PPP3CC: variants seen among roughly 807,000 people sequenced by gnomAD.
PPP3CC encodes the protein serine/threonine-protein phosphatase 2B catalytic subunit gamma isoform.
PPP3CC carries 35 observed loss-of-function variants against 60.3 expected under a neutral mutation model. The observed-to-expected ratio is 0.58, with a 90% CI of 0.44 to 0.77. PPP3CC has a LOEUF of 0.77. Among genes scored for constraint, PPP3CC ranks in the 30% least tolerant of loss-of-function variants. The pLI is 0.00. For missense variants in PPP3CC, 570 were observed against 628.9 expected (o/e 0.91, Z 1.00); for synonymous variants, 206 against 224.3 (o/e 0.92, Z 0.73).
At chr8:22,463,760 G>A (rs1372275544) in intron 1 of PPP3CC, among the ~76,000 whole-genome samples, 2 of 151,514 alleles carry the variant, frequency 1.3e-5, no homozygotes, top group African/African-American at 4.8e-5. Context: ...TAGCTATTGT[G>A]GCAGTCTTTG....
intron 1 of PPP3CC, among the ~76,000 whole-genome samples, chr8:22,449,474 G>GAAAAAAAAAAAAAAAAA (rs1554526851): frequency 7.5e-6 from 1 of 132,718 alleles, no homozygotes; most frequent in Non-Finnish European, 1.6e-5. Flanking sequence ...AAAAAAAAAG[G>GAAAAAAAAAAAAAAAAA]AAATGCCTCA....
chr8:22,470,059 T>TACACAC lies in PPP3CC; in HGVS notation c.50-4873_50-4868dup, dbSNP rs55658283. 2.2e-3 allele frequency among the ~76,000 whole-genome samples: 321 copies of TACACAC among 146,074 alleles called. 3 individuals are homozygous for TACACAC. The highest frequency in any genetic ancestry group is 0.011 in the Middle Eastern group (3 of 282). On this transcript the variant is annotated intron_variant, in intron 1 of 13. Transcript: ENST00000240139. ...AATAAATATGGGTGATATATATATA[T>TACACAC]ACACACACACACACACACACACACA... is the stretch of plus-strand genomic sequence containing the variant.
chr8:22,454,606 A>C (rs1837137038), intron 1 of PPP3CC, among the ~76,000 whole-genome samples: 1 of 152,238 alleles, frequency 6.6e-6, no homozygotes, highest in African/African-American at 2.4e-5. Context: ...AAATGTGAGT[A>C]GTAGTGCCTT....
At chr8:22,513,246 C>T (rs768019328) in intron 5 of PPP3CC, 47 bp from the exon 6 acceptor site, 2 of 1,581,538 alleles carry the variant, frequency 1.3e-6, no homozygotes, top group South Asian at 2.3e-5. Flanking sequence ...TCCAAGAAGC[C>T]TTTTGCTCTC....
chr8:22,467,131 G>T (rs1422050242), intron 1 of PPP3CC, among the ~76,000 whole-genome samples: 6 of 152,196 alleles, frequency 3.9e-5, no homozygotes, highest in African/African-American at 1.4e-4. Flanking sequence ...TCTAAAAATT[G>T]CAGATTGGCT....
At position 22,477,913 on chromosome 8, in the gene PPP3CC, C is replaced by T. The variant is rs910551546; in HGVS notation, c.372+2289C>T. On this transcript the variant is annotated intron_variant, in intron 3 of 13. Coordinates refer to ENST00000240139, the MANE Select transcript of PPP3CC (RefSeq NM_005605.5). ...TTGCCCAGGCTAGAGTGCAATGGCA[C>T]GATCTCGGCCCACCGCAACGTCCGC... 3.9e-5 allele frequency among the ~76,000 whole-genome samples: 6 copies of T among 152,198 alleles called. No individual in the cohort carries two copies. The South Asian group carries it at 6.2e-4, about 16-fold the overall frequency.
At chr8:22,481,345 A>AAATAAATAAT (rs1838061208) in intron 3 of PPP3CC, among the ~76,000 whole-genome samples, 1 of 144,004 alleles carries the variant, frequency 6.9e-6, no homozygotes, top group African/African-American at 2.6e-5. Flanking sequence ...CAAGAAAAAT[A>AAATAAATAAT]AATAATAATA....
intron 1 of PPP3CC, among the ~76,000 whole-genome samples, chr8:22,460,199 A>C (rs902024378): frequency 6.6e-6 from 1 of 152,128 alleles, no homozygotes; most frequent in South Asian, 2.1e-4. Context: ...TTTTGCCTCA[A>C]GTGTATAGTA....
At chr8:22,500,550 C>T (rs952944912) in intron 4 of PPP3CC, among the ~76,000 whole-genome samples, 15 of 152,118 alleles carry the variant, frequency 9.9e-5, no homozygotes, top group African/African-American at 3.4e-4. Context: ...CCACAGATCC[C>T]TTTACTGATA....
At chr8:22,465,936 C>T (rs557724792) in intron 1 of PPP3CC, among the ~76,000 whole-genome samples, 2 of 152,168 alleles carry the variant, frequency 1.3e-5, no homozygotes, top group Non-Finnish European at 2.9e-5. Flanking sequence ...TTGCTGCACC[C>T]ACCAACTCAT....
At chr8:22,508,692 G>A (rs1838996759) in intron 4 of PPP3CC, among the ~76,000 whole-genome samples, 1 of 152,182 alleles carries the variant, frequency 6.6e-6, no homozygotes, top group African/African-American at 2.4e-5. Flanking sequence ...TTCAAGTGTG[G>A]AACTCCCATG....
Position 22,489,217 on chromosome 8 carries a change from A to T in PPP3CC, c.373-8784A>T, listed in dbSNP as rs552876508. On this transcript the variant is annotated intron_variant, in intron 3 of 13. Coordinates refer to ENST00000240139, the MANE Select transcript of PPP3CC (RefSeq NM_005605.5). ...GTAATTAGATTAGGCATACTGAGAA[A>T]CATTTGGATTCAGGATTTCAAAGTC... Among the ~76,000 whole-genome samples, 13 of 152,236 alleles carry T rather than the reference A, an allele frequency of 8.5e-5. No individual in the cohort carries two copies. The South Asian group carries it at 2.7e-3, about 32-fold the overall frequency.
intron 3 of PPP3CC, among the ~76,000 whole-genome samples, chr8:22,482,240 A>G (rs534479375): frequency 4.8e-4 from 73 of 152,140 alleles, no homozygotes; most frequent in Non-Finnish European, 7.5e-4. Flanking sequence ...CTGGCATGAG[A>G]GGGTATCTCA....
At chr8:22,494,784 A>C (rs543976252) in intron 3 of PPP3CC, among the ~76,000 whole-genome samples, 1 of 152,196 alleles carries the variant, frequency 6.6e-6, no homozygotes, top group South Asian at 2.1e-4. Flanking sequence ...TTCTTTTCAT[A>C]GTCTATTTAG....
rs1364595376 is a variant in PPP3CC, at chr8:22,508,791, A to G, written c.485-2295A>G. On this transcript the variant is annotated intron_variant, in intron 4 of 13. Transcript: ENST00000240139. ...AAGTCAATCACTGACCACAAATTAAAGAGTTTTCTGTTTGTTTTTTACTTC... is the reference window on the plus strand; with the variant it reads ...AAGTCAATCACTGACCACAAATTAAGGAGTTTTCTGTTTGTTTTTTACTTC... Among the ~76,000 whole-genome samples, 5 of 152,334 alleles carry G rather than the reference A, an allele frequency of 3.3e-5. No individual in the cohort carries two copies. In the East Asian group the frequency reaches 9.6e-4, roughly 29 times the overall value.
At chr8:22,458,866 A>G (rs1837284283) in intron 1 of PPP3CC, among the ~76,000 whole-genome samples, 1 of 152,088 alleles carries the variant, frequency 6.6e-6, no homozygotes, top group Admixed American at 6.5e-5. Flanking sequence ...AGTCTTTCCT[A>G]CCTCTTATTA....
intron 1 of PPP3CC, among the ~76,000 whole-genome samples, chr8:22,462,575 CTTT>C (rs779444558): frequency 1.4e-5 from 2 of 142,900 alleles, no homozygotes; most frequent in Admixed American, 7.0e-5. Context: ...TTTCTTTTTT[CTTT>C]TTTTTTTTTT....
chr8:22,476,116 T>A (rs1332410829), intron 3 of PPP3CC, among the ~76,000 whole-genome samples: 2 of 152,248 alleles, frequency 1.3e-5, no homozygotes, highest in African/African-American at 4.8e-5. Context: ...AAATGAGTTG[T>A]AGTTAATTAA....
intron 1 of PPP3CC, among the ~76,000 whole-genome samples, chr8:22,461,139 C>T (rs1258734465): frequency 2.0e-5 from 3 of 152,176 alleles, no homozygotes; most frequent in African/African-American, 7.2e-5. Flanking sequence ...CCACCGCACC[C>T]AGCTGAAAAT....
Sources: gnomAD v4.1 joint callset for allele counts (sites outside exome capture counted in the v4.1 genomes callset) on GRCh38, gnomAD v4.1.1 for gene constraint, MANE v1.5 for transcripts, NCBI Gene and HGNC (gene_info 2026-07-23, HGNC 2026-07-21) for gene names.